DNAH8: variants seen among roughly 807,000 people sequenced by gnomAD.
DNAH8 encodes dynein axonemal heavy chain 8.
Under a neutral mutation model 562.1 loss-of-function variants are expected in DNAH8, and 382 were observed. The observed-to-expected ratio is 0.68, with a 90% CI of 0.63 to 0.74. The LOEUF (loss-of-function observed/expected upper bound fraction) is 0.74, where lower values mean the gene tolerates loss of function less well. Among genes scored for constraint, DNAH8 ranks in the 30% least tolerant of loss-of-function variants. The pLI is 0.00. For missense variants in DNAH8, 5,203 were observed against 5,620.4 expected (o/e 0.93, Z 2.37); for synonymous variants, 1,881 against 1,919.4 (o/e 0.98, Z 0.52).
intron 12 of DNAH8, among the ~76,000 whole-genome samples, chr6:38,773,883 G>A (rs775885001): frequency 1.3e-5 from 2 of 152,238 alleles, no homozygotes; most frequent in Non-Finnish European, 1.5e-5. Flanking sequence ...AGGGAAGGCC[G>A]AGATTCGAAG....
Position 38,973,680 on chromosome 6 carries a change from A to G in DNAH8, c.12545A>G (p.Gln4182Arg), listed in dbSNP as rs1377947148. The change falls in exon 84 of 93, where the codon CAA becomes CGA. Residue 4182 changes from glutamine to arginine, a missense_variant. This residue lies in a region of DNAH8 where 1,399 missense variants were observed against 1,518.4 expected (regional missense o/e 0.92). Transcript: ENST00000327475. ...ATACAGGGTGGTTGGGTATTACTAC[A>G]AAATTGCCACCTTGGCCTGGAATTC... is the stretch of plus-strand genomic sequence containing the variant. ...SMQQGGWVLL[Q>R]NCHLGLEFME... 2.5e-6 allele frequency: 4 copies of G among 1,603,322 alleles called. No individual in the cohort carries two copies. The highest frequency in any genetic ancestry group is 3.4e-6 in the Non-Finnish European group (4 of 1,176,542).
At chr6:38,923,219 T>C in intron 72 of DNAH8, 34 bp downstream of exon 72, 1 of 1,609,764 alleles carries the variant, frequency 6.2e-7, no homozygotes, top group Non-Finnish European at 8.5e-7. Flanking sequence ...AATCACTCTT[T>C]CTTTGTGACA....
At chr6:38,722,011 A>G (rs1345959633) in intron 1 of DNAH8, among the ~76,000 whole-genome samples, 2 of 152,234 alleles carry the variant, frequency 1.3e-5, no homozygotes, top group East Asian at 3.8e-4. Context: ...TTGTCCTACA[A>G]TATGGTTTTT....
chr6:39,020,464 A>T (rs149576482), intron 91 of DNAH8, among the ~76,000 whole-genome samples: 48 of 152,356 alleles, frequency 3.2e-4, no homozygotes, highest in African/African-American at 1.1e-3. Flanking sequence ...GAACAAGTAT[A>T]TCAGAATCTC....
At chr6:39,001,842 G>A (rs920442996) in intron 88 of DNAH8, among the ~76,000 whole-genome samples, 1 of 152,122 alleles carries the variant, frequency 6.6e-6, no homozygotes. Context: ...TGGCAGTGCC[G>A]CACACAGAGG....
chr6:38,879,083 T>TTTGTAGTTAAATTGAAA (rs1778252593), intron 53 of DNAH8, among the ~76,000 whole-genome samples: 1 of 152,094 alleles, frequency 6.6e-6, no homozygotes, highest in Admixed American at 6.5e-5. Context: ...AGAAATTGAA[T>TTTGTAGTTAAATTGAAA]TTGTAGTTAA....
intron 3 of DNAH8, among the ~76,000 whole-genome samples, chr6:38,729,254 C>T (rs1303859357): frequency 6.6e-6 from 1 of 152,002 alleles, no homozygotes; most frequent in Admixed American, 6.6e-5. Flanking sequence ...TCTCACTACC[C>T]AAGAGAAAGC....
At position 39,030,713 on chromosome 6, in the gene DNAH8, T is replaced by A. The variant is rs1299570007; in HGVS notation, c.*321T>A. On this transcript the variant is annotated 3_prime_UTR_variant, in exon 93 of 93. Transcript: ENST00000327475. ...AATTTGAAAGTGTTGATATGTGACA[T>A]CCTAAAAAGAGCCTAGTAGTTGTAA... Among the ~76,000 whole-genome samples, 2 of 152,214 alleles carry A rather than the reference T, an allele frequency of 1.3e-5. No individual in the cohort carries two copies. Among genetic ancestry groups the A allele is most frequent in the African/African-American group, 4.8e-5 (2 of 41,456 alleles).
rs761628597 is a variant in DNAH8 at position 38,938,041 on chromosome 6, A to C, written c.11631A>C (p.Val3877=). The C allele has an allele frequency of 6.2e-7, 1 of 1,614,072 alleles. No homozygotes were observed. The highest frequency in any genetic ancestry group is 1.1e-5 in the South Asian group (1 of 91,068). The change falls in exon 78 of 93, where the codon GTA becomes GTC. Residue 3877 remains valine, a synonymous_variant. Coordinates refer to ENST00000327475, the MANE Select transcript of DNAH8 (RefSeq NM_001206927.2). ...CTACCAAGCAGACAGCAGCTGAGGT[A>C]AGTGAAAAGTTGCATGTGGCTGCAG... The part of the protein sequence containing the change: ...LRTTKQTAAE[V]SEKLHVAAET...
At chr6:38,969,709 G>T (rs533757719) in intron 82 of DNAH8, among the ~76,000 whole-genome samples, 6 of 145,964 alleles carry the variant, frequency 4.1e-5, no homozygotes, top group African/African-American at 1.0e-4. Flanking sequence ...AGGTGTGTGT[G>T]GGGGGGAGTG....
At chr6:38,759,672 C>T (rs188291260) in intron 10 of DNAH8, among the ~76,000 whole-genome samples, 1 of 152,026 alleles carries the variant, frequency 6.6e-6, no homozygotes, top group Admixed American at 6.6e-5. Context: ...TTAGCAAGAA[C>T]CCCCCATTCT....
In DNAH8 at chr6:38,866,864, A is replaced by G. The variant is rs770797229; in HGVS notation, c.6681A>G (p.Gln2227=). The change falls in exon 47 of 93, where the codon CAA becomes CAG. Residue 2227 remains glutamine (Q), a synonymous_variant. Coordinates refer to ENST00000327475, the MANE Select transcript of DNAH8 (RefSeq NM_001206927.2). The part of the protein sequence containing the change: ...FYVLYKLCEE[Q]LTKQVHYDFG... ...TTCTTTACAAACTCTGTGAAGAGCA[A>G]CTTACTAAACAGGTAACTTTATAGA... 18 of 1,601,218 alleles carry G rather than the reference A, an allele frequency of 1.1e-5. No homozygotes were observed. Among genetic ancestry groups the G allele is most frequent in the Non-Finnish European group, 1.4e-5 (16 of 1,169,628 alleles).
At chr6:38,929,487 G>T in intron 74 of DNAH8, 24 bp from the exon 75 acceptor site, 1 of 1,596,200 alleles carries the variant, frequency 6.3e-7, no homozygotes, top group Non-Finnish European at 8.5e-7. Context: ...AACACAGATA[G>T]ACCAATGAGT....
chr6:38,814,001 A>G, intron 24 of DNAH8, 53 bp from the exon 25 acceptor site: 1 of 1,273,174 alleles, frequency 7.9e-7, no homozygotes, highest in South Asian at 1.3e-5. Context: ...ATAATAAACT[A>G]ACAATGAAAT....
chr6:38,904,019 C>T (rs1275894833), intron 62 of DNAH8, among the ~76,000 whole-genome samples: 2 of 152,208 alleles, frequency 1.3e-5, no homozygotes, highest in Non-Finnish European at 2.9e-5. Context: ...TGTTCACATA[C>T]ATTTCTATCT....
intron 18 of DNAH8, among the ~76,000 whole-genome samples, chr6:38,789,226 A>G (rs1013425621): frequency 1.3e-5 from 2 of 152,180 alleles, no homozygotes; most frequent in East Asian, 3.8e-4. Flanking sequence ...TATTAGGTAA[A>G]AATTGAAACA....
In DNAH8 at chr6:39,012,385, C is replaced by G; in HGVS notation, c.13524+18C>G. The G allele has an allele frequency of 6.2e-7, 1 of 1,608,814 alleles. No homozygotes were observed. Among genetic ancestry groups the G allele is most frequent in the Non-Finnish European group, 8.5e-7 (1 of 1,176,126 alleles). Reference sequence around the variant, plus strand: ...TGAGTGAGGTGAGCTGTTATTACATCAGTAGGCATTTCCTTCTTTGTTGAT... The same window carrying G: ...TGAGTGAGGTGAGCTGTTATTACATGAGTAGGCATTTCCTTCTTTGTTGAT... On this transcript the variant is annotated intron_variant, in intron 90 of 92. Coordinates refer to ENST00000327475, the MANE Select transcript of DNAH8 (RefSeq NM_001206927.2).
intron 28 of DNAH8, 78 bp downstream of exon 28, chr6:38,823,766 A>T: frequency 4.1e-6 from 4 of 975,176 alleles, no homozygotes; most frequent in Non-Finnish European, 6.1e-6. Flanking sequence ...GCAGTTATTA[A>T]GTTATCTTGG....
chr6:38,878,876 A>C (rs561810233), intron 53 of DNAH8, among the ~76,000 whole-genome samples: 1 of 152,332 alleles, frequency 6.6e-6, no homozygotes, highest in Admixed American at 6.5e-5. Flanking sequence ...AAAAATGATA[A>C]GCATTTGAGG....
Sources: allele counts gnomAD v4.1 joint callset (sites outside exome capture counted in the v4.1 genomes callset), GRCh38; gene constraint gnomAD v4.1.1; regional missense constraint gnomAD v4.1.1; transcripts MANE v1.5; gene names NCBI Gene and HGNC (gene_info 2026-07-23, HGNC 2026-07-21).